SYTL2: variants seen among roughly 807,000 people sequenced by gnomAD.
SYTL2 encodes synaptotagmin-like protein 2.
SYTL2 carries 165 observed loss-of-function variants against 198.7 expected under a neutral mutation model. The ratio of observed to expected loss-of-function variants is 0.83; its 90% confidence interval spans 0.73 to 0.94. The LOEUF is 0.94. Ranked by LOEUF, SYTL2 falls within the 40% of genes least tolerant of loss-of-function variation. The pLI, the probability that SYTL2 is intolerant of heterozygous loss-of-function variation, is 0.00. For synonymous variants in SYTL2, 966 were observed against 917.7 expected (o/e 1.05, Z -0.95); for missense variants, 2,835 against 2,582.8 (o/e 1.10, Z -2.12).
At chr11:85,747,497 C>G (rs2091236247) in intron 3 of SYTL2, among the ~76,000 whole-genome samples, 1 of 152,100 alleles carries the variant, frequency 6.6e-6, no homozygotes, top group South Asian at 2.1e-4. Flanking sequence ...TCCCCCCAAA[C>G]CTTTAGGCAG....
chr11:85,722,171 T>A (rs1217475006), intron 8 of SYTL2, among the ~76,000 whole-genome samples: 2 of 87,634 alleles, frequency 2.3e-5, no homozygotes, highest in African/African-American at 6.5e-5. Context: ...GTTTAGGTGA[T>A]TTTTTTTTTT....
rs996074523 is a variant in SYTL2, at chr11:85,726,824, T to C, written c.2534A>G (p.Asp845Gly). 9.8e-6 allele frequency: 15 copies of C among 1,536,274 alleles called. No individual in the cohort carries two copies. The African/African-American group carries it at 1.5e-4, about 15-fold the overall frequency. The change falls in exon 8 of 20, where the codon GAC becomes GGC. Residue 845 changes from aspartate to glycine, a missense_variant. Physicochemically the swap from Asp to Gly is moderately conservative, Grantham distance 94. This residue lies in a region of SYTL2 where 2,645 missense variants were observed against 2,381.7 expected (regional missense o/e 1.11). Transcript: ENST00000359152. ...GVSSMDSLST[D>G]QSEYNQAIPK... ...AATGGCCTGATTATATTCACTCTGG[T>C]CTGTAGATAAACTGTCCATGGATGA...
Position 85,727,767 on chromosome 11 carries a change from A to G in SYTL2, c.1591T>C (p.Tyr531His). Reference protein sequence around the residue: ...KVLDWFNRSSYSDDNKSFLQH... With the variant: ...KVLDWFNRSSHSDDNKSFLQH... Reference sequence around the variant, plus strand: ...AGGAATGACTTATTGTCATCTGAATAAGAACTTCGGTTAAACCAGTCTAGA... The same window carrying G: ...AGGAATGACTTATTGTCATCTGAATGAGAACTTCGGTTAAACCAGTCTAGA... The change falls in exon 8 of 20, where the codon TAT (tyrosine) becomes CAT (histidine). Residue 531 changes from tyrosine to histidine, a missense_variant. By Grantham distance (83) the Tyr-to-His change is moderately conservative. This residue lies in a region of SYTL2 where 2,645 missense variants were observed against 2,381.7 expected (regional missense o/e 1.11). Coordinates refer to ENST00000359152, the MANE Select transcript of SYTL2 (RefSeq NM_206927.4). 2 of 1,569,818 alleles carry G rather than the reference A, an allele frequency of 1.3e-6. No individual in the cohort carries two copies. Among genetic ancestry groups the G allele is most frequent in the Non-Finnish European group, 1.7e-6 (2 of 1,156,738 alleles).
At chr11:85,845,368 G>T in the SYTL2 span, among the ~76,000 whole-genome samples, 3 of 152,166 alleles carry the variant, frequency 2.0e-5, no homozygotes, top group South Asian at 6.2e-4. Flanking sequence ...CAGAAACTGG[G>T]AGATAATAAA....
At chr11:85,735,613 C>T (rs1371566349) in intron 6 of SYTL2, among the ~76,000 whole-genome samples, 4 of 151,968 alleles carry the variant, frequency 2.6e-5, no homozygotes, top group African/African-American at 4.8e-5. Context: ...AAAAATTAGG[C>T]GGGTGTGGTA....
At position 85,726,753 on chromosome 11, in the gene SYTL2, A is replaced by T; in HGVS notation, c.2605T>A (p.Ser869Thr). Residue 869 changes from serine to threonine, a missense_variant, in exon 8 of 20, where the codon TCC becomes ACC. Transcript: ENST00000359152. Reference protein sequence around the residue: ...LDEDDQASQLSNSYSSNKSKE... With the variant: ...LDEDDQASQLTNSYSSNKSKE... ...GATTTATTTGAGGAATAAGAATTGGAGAGCTGGGATGCTTGATCATCCTCA... is the reference window on the plus strand; with the variant it reads ...GATTTATTTGAGGAATAAGAATTGGTGAGCTGGGATGCTTGATCATCCTCA... The T allele has an allele frequency of 6.5e-7, 1 of 1,536,108 alleles. No individual in the cohort carries two copies. Among genetic ancestry groups the T allele is most frequent in the Non-Finnish European group, 8.7e-7 (1 of 1,146,894 alleles).
At chr11:85,752,919 A>T (rs2091608370) in intron 2 of SYTL2, among the ~76,000 whole-genome samples, 3 of 87,416 alleles carry the variant, frequency 3.4e-5, no homozygotes, top group Non-Finnish European at 6.4e-5. Flanking sequence ...GCCTTCATTA[A>T]AAAAAAAAAA....
In SYTL2 at chr11:85,727,120, G is replaced by A. The variant is rs2089291550; in HGVS notation, c.2238C>T (p.Ser746=). 6.5e-7 allele frequency: 1 copy of A among 1,535,960 alleles called. No homozygotes were observed. Among genetic ancestry groups the A allele is most frequent in the Non-Finnish European group, 8.7e-7 (1 of 1,146,806 alleles). ...TTGACTTAATATTCTCTGGCTCTAA[G>A]GAGGCTTTCAGGATATAGGTATTTC... is the stretch of plus-strand genomic sequence containing the variant. The part of the protein sequence containing the change: ...KVGNTYILKA[S]LEPENIKSTP... Residue 746 remains serine, a synonymous_variant, in exon 8 of 20, where the codon TCC becomes TCT. Coordinates refer to ENST00000359152, the MANE Select transcript of SYTL2 (RefSeq NM_206927.4).
intron 14 of SYTL2, chr11:85,708,238 AAC>A (rs1337938153): frequency 6.6e-5 from 22 of 334,276 alleles, no homozygotes; most frequent in South Asian, 1.8e-4. Flanking sequence ...CCTCTGAGAA[AAC>A]GCTTTGGTGC....
chr11:85,707,447 C>A lies in SYTL2; in HGVS notation c.6000G>T (p.Val2000=). The stretch of plus-strand genomic sequence containing the variant: ...TAGATACCCGCAGTATTTCGTTATA[C>A]ACAGGATTCAAGGTTTTCTTCACTA... The part of the protein sequence containing the change: ...TLVVKKTLNP[V]YNEILRYKIE... Residue 2000 remains valine, a synonymous_variant, in exon 15 of 20, where the codon GTG becomes GTT. Coordinates refer to ENST00000359152, the MANE Select transcript of SYTL2 (RefSeq NM_206927.4). 1 of 1,613,738 alleles carries A rather than the reference C, an allele frequency of 6.2e-7. No individual in the cohort carries two copies.
chr11:85,838,807 T>A, the SYTL2 span, among the ~76,000 whole-genome samples: 1 of 152,292 alleles, frequency 6.6e-6, no homozygotes, highest in Non-Finnish European at 1.5e-5. Context: ...AGCAAAGATA[T>A]CTCCACATAT....
chr11:85,811,848 C>T (rs1190130186), upstream of SYTL2, among the ~76,000 whole-genome samples: 1 of 152,134 alleles, frequency 6.6e-6, no homozygotes, highest in African/African-American at 2.4e-5. Context: ...CACCTGTAAT[C>T]CCAGCATTAT....
chr11:85,722,170 ATTTTTTTTTTTTTTT>A (rs574669583), intron 8 of SYTL2, among the ~76,000 whole-genome samples: 3,026 of 94,660 alleles, frequency 0.032, 78 homozygotes, highest in Admixed American at 0.056. Context: ...TGTTTAGGTG[ATTTTTTTTTTTTTTT>A]TTTTTTTTTT....
chr11:85,821,788 G>C, the SYTL2 span, among the ~76,000 whole-genome samples: 1 of 152,196 alleles, frequency 6.6e-6, no homozygotes, highest in Non-Finnish European at 1.5e-5. Context: ...AACATAAGAT[G>C]ACTATATACA....
intron 1 of SYTL2, among the ~76,000 whole-genome samples, chr11:85,793,319 T>G: frequency 6.6e-6 from 1 of 152,178 alleles, no homozygotes; most frequent in Non-Finnish European, 1.5e-5. Context: ...ATGATTGCCA[T>G]TCTAACTGGT....
At chr11:85,698,577 A>G (rs1383134697) in intron 17 of SYTL2, among the ~76,000 whole-genome samples, 1 of 152,082 alleles carries the variant, frequency 6.6e-6, no homozygotes, top group East Asian at 1.9e-4. Flanking sequence ...TCACTCTGTC[A>G]CCCAGGTTGG....
At chr11:85,822,184 C>T in the SYTL2 span, among the ~76,000 whole-genome samples, 2 of 152,208 alleles carry the variant, frequency 1.3e-5, no homozygotes, top group South Asian at 2.1e-4. Context: ...CTCTCAAAGT[C>T]TGTTCTTGCA....
chr11:85,696,473 A>T (rs773686833), intron 18 of SYTL2, 85 bp from the exon 19 acceptor site: 348 of 1,123,594 alleles, frequency 3.1e-4, no homozygotes, highest in Non-Finnish European at 4.4e-4. Flanking sequence ...CAGCTATTAA[A>T]GATTGACAAT....
At chr11:85,719,198 C>T (rs1365274434) in intron 9 of SYTL2, 1 of 1,248,216 alleles carries the variant, frequency 8.0e-7, no homozygotes, top group South Asian at 1.5e-5. Context: ...ATGACTAACA[C>T]CTTCCCAAAC....
Sources: allele counts gnomAD v4.1 joint callset (sites outside exome capture counted in the v4.1 genomes callset), GRCh38; gene constraint gnomAD v4.1.1; regional missense constraint gnomAD v4.1.1; transcripts MANE v1.5; gene names NCBI Gene and HGNC (gene_info 2026-07-23, HGNC 2026-07-21).